The following SNTG2 variants were observed in gnomAD, a reference collection of about 807,000 sequenced individuals.
The protein encoded by SNTG2 is gamma-2-syntrophin.
In SNTG2, 74 loss-of-function variants were observed where a neutral mutation model predicts 70.9. That is an observed-to-expected ratio of 1.04 (90% confidence interval 0.86 to 1.27). The LOEUF is 1.27. Ranked by LOEUF, SNTG2 falls within the 50% of genes most tolerant of loss-of-function variation. The probability of loss-of-function intolerance (pLI) is 0.00; values close to 1 mark genes in which losing one functional copy is unlikely to be tolerated. For synonymous variants in SNTG2, 278 were observed against 273.8 expected (o/e 1.02, Z -0.15); for missense variants, 717 against 690.7 (o/e 1.04, Z -0.43).
chr2:1,021,603 T>C (rs982178098), intron 1 of SNTG2, among the ~76,000 whole-genome samples: 10 of 152,192 alleles, frequency 6.6e-5, no homozygotes, highest in Admixed American at 2.0e-4. Context: ...AATTTTCTTT[T>C]TTTTTTCTTT....
At position 1,307,196 on chromosome 2, in the gene SNTG2, GTGTGTCTGTATGTC is replaced by G. The variant is rs1297501389; in HGVS notation, c.1285-1274_1285-1261del. Among the ~76,000 whole-genome samples, 352 of 147,920 alleles carry G rather than the reference GTGTGTCTGTATGTC, an allele frequency of 2.4e-3. 1 individual carries two copies. Among genetic ancestry groups the G allele is most frequent in the African/African-American group, 8.0e-3 (320 of 39,872 alleles). ...GTGTGTGGTGTGTGAGCCATGCATT[GTGTGTCTGTATGTC>G]TGTGTCTGTATGTCTGTGTCTGTGG... On this transcript the variant is annotated intron_variant, in intron 14 of 16. Transcript: ENST00000308624.
chr2:1,179,605 T>C (rs1439691778), intron 8 of SNTG2, among the ~76,000 whole-genome samples: 35 of 150,628 alleles, frequency 2.3e-4, no homozygotes, highest in East Asian at 6.0e-4. Context: ...TGCTCATGGG[T>C]AGGAAGAATC....
chr2:1,285,263 A>C (rs1679720187), intron 14 of SNTG2, among the ~76,000 whole-genome samples: 3 of 152,274 alleles, frequency 2.0e-5, no homozygotes, highest in African/African-American at 7.2e-5. Context: ...CCACTGACTC[A>C]AATGTTAATC....
intron 4 of SNTG2, chr2:1,103,362 A>G (rs1462222614): frequency 3.5e-6 from 1 of 285,478 alleles, no homozygotes; most frequent in Non-Finnish European, 7.0e-6. Flanking sequence ...TTTCAAATAA[A>G]TAATGATTAT....
At chr2:981,622 TAC>T (rs1661099902) in intron 1 of SNTG2, among the ~76,000 whole-genome samples, 1 of 151,840 alleles carries the variant, frequency 6.6e-6, no homozygotes, top group South Asian at 2.1e-4. Context: ...CATATGCATA[TAC>T]ACACAGGTGC....
At chr2:1,264,586 T>A (rs151079447) in intron 13 of SNTG2, among the ~76,000 whole-genome samples, 40 of 152,396 alleles carry the variant, frequency 2.6e-4, no homozygotes, top group African/African-American at 8.9e-4. Context: ...GCAGCGTGGT[T>A]GCCACCATTT....
chr2:1,361,918 C>G (rs112123823), intron 16 of SNTG2, among the ~76,000 whole-genome samples: 2 of 33,336 alleles, frequency 6.0e-5, no homozygotes, highest in Admixed American at 3.8e-4. Flanking sequence ...AGGTCACCAA[C>G]GCTGAGCATT....
At chr2:1,208,844 C>T (rs1468193791) in intron 8 of SNTG2, among the ~76,000 whole-genome samples, 1 of 152,164 alleles carries the variant, frequency 6.6e-6, no homozygotes, top group Non-Finnish European at 1.5e-5. Flanking sequence ...AGATTTAGGC[C>T]CCTCTTCTCC....
intron 4 of SNTG2, among the ~76,000 whole-genome samples, chr2:1,122,860 T>G (rs771728097): frequency 1.3e-5 from 2 of 152,136 alleles, no homozygotes; most frequent in Non-Finnish European, 1.5e-5. Flanking sequence ...TCAGTAAAGT[T>G]TCAGGATATG....
intron 1 of SNTG2, among the ~76,000 whole-genome samples, chr2:1,041,503 C>A (rs748546614): frequency 5.0e-4 from 76 of 152,136 alleles, no homozygotes; most frequent in Non-Finnish European, 9.0e-4. Context: ...TTGTGATCTC[C>A]AGTGTTGGAG....
chr2:1,085,242 A>C (rs1179664447), intron 2 of SNTG2, among the ~76,000 whole-genome samples: 1 of 152,264 alleles, frequency 6.6e-6, no homozygotes, highest in East Asian at 1.9e-4. Flanking sequence ...ACCCTGCTTA[A>C]TAGAGATTTT....
chr2:1,177,514 A>G (rs1371506028), intron 8 of SNTG2, among the ~76,000 whole-genome samples: 1 of 152,078 alleles, frequency 6.6e-6, no homozygotes, highest in Non-Finnish European at 1.5e-5. Context: ...AAACTTTAAA[A>G]GGAACCAGAA....
intron 1 of SNTG2, among the ~76,000 whole-genome samples, chr2:1,033,275 G>T (rs1289802919): frequency 6.6e-6 from 1 of 152,290 alleles, no homozygotes; most frequent in African/African-American, 2.4e-5. Flanking sequence ...AGATGCCCTG[G>T]GAGGGTGTTG....
chr2:1,018,233 C>T (rs1659972721), intron 1 of SNTG2, among the ~76,000 whole-genome samples: 1 of 152,174 alleles, frequency 6.6e-6, no homozygotes, highest in African/African-American at 2.4e-5. Context: ...CTCTTACGTT[C>T]TGTTCAGTGC....
intron 1 of SNTG2, among the ~76,000 whole-genome samples, chr2:1,067,819 C>T (rs912778129): frequency 2.2e-4 from 34 of 152,304 alleles, no homozygotes; most frequent in Non-Finnish European, 3.5e-4. Flanking sequence ...GACCCCCACC[C>T]GTAAATCATG....
chr2:1,118,094 C>A (rs1440085385), intron 4 of SNTG2, among the ~76,000 whole-genome samples: 2 of 152,252 alleles, frequency 1.3e-5, no homozygotes, highest in East Asian at 3.9e-4. Flanking sequence ...GCTTTGTGGA[C>A]AATCTGAAGC....
chr2:1,217,483 T>A (rs1229376911), intron 9 of SNTG2, among the ~76,000 whole-genome samples: 2 of 152,222 alleles, frequency 1.3e-5, no homozygotes, highest in Non-Finnish European at 2.9e-5. Context: ...ATAAGCATTC[T>A]TCCTAATGGA....
rs1053513648 is a variant in SNTG2, at chr2:1,026,650, G to A, written c.73-56868G>A. Among the ~76,000 whole-genome samples the A allele has an allele frequency of 7.9e-5, 12 of 152,092 alleles. No homozygotes were observed. In the East Asian group the frequency reaches 9.6e-4, roughly 12 times the overall value. On this transcript the variant is annotated intron_variant, in intron 1 of 16. Coordinates refer to ENST00000308624, the MANE Select transcript of SNTG2 (RefSeq NM_018968.4). ...CTCACCCAGCATGTCTCATTCTCCC[G>A]AGTAGCCTTGTGCATGGAATGGAGC...
intron 4 of SNTG2, among the ~76,000 whole-genome samples, chr2:1,131,728 T>C (rs1175996849): frequency 6.6e-6 from 1 of 151,882 alleles, no homozygotes; most frequent in African/African-American, 2.4e-5. Flanking sequence ...CTCAGCTCAC[T>C]GCAACCTCCA....
Sources: allele counts gnomAD v4.1 joint callset (sites outside exome capture counted in the v4.1 genomes callset), GRCh38; gene constraint gnomAD v4.1.1; transcripts MANE v1.5; gene names NCBI Gene and HGNC (gene_info 2026-07-23, HGNC 2026-07-21).